The following FRS2 variants were observed in gnomAD, a reference collection of about 807,000 sequenced individuals.
FRS2 encodes the protein fibroblast growth factor receptor substrate 2.
In FRS2, 8 loss-of-function variants were observed where a neutral mutation model predicts 43.9. The ratio of observed to expected loss-of-function variants is 0.18; its 90% CI spans 0.11 to 0.33. The LOEUF (loss-of-function observed/expected upper bound fraction) is 0.33, where lower values mean the gene tolerates loss of function less well. Among genes scored for constraint, FRS2 ranks in the 10% least tolerant of loss-of-function variants. The pLI, the probability that FRS2 is intolerant of heterozygous loss-of-function variation, is 1.00. For missense variants in FRS2, 534 were observed against 627.6 expected, an observed-to-expected ratio of 0.85 and a Z score of 1.59; for synonymous variants, 219 against 220.3, an observed-to-expected ratio of 0.99 and a Z score of 0.05.
At chr12:69,555,367 A>G (rs989069449) in intron 3 of FRS2, among the ~76,000 whole-genome samples, 5 of 152,116 alleles carry the variant, frequency 3.3e-5, no homozygotes, top group African/African-American at 9.7e-5. Flanking sequence ...ACTTAATTTT[A>G]TATCATGAAC....
intron 3 of FRS2, among the ~76,000 whole-genome samples, chr12:69,560,799 A>G (rs538852717): frequency 1.3e-5 from 2 of 152,188 alleles, no homozygotes; most frequent in Non-Finnish European, 2.9e-5. Flanking sequence ...ATCATAGTCA[A>G]TGCAGTTATA....
chr12:69,525,154 A>G (rs1280815402), intron 1 of FRS2, among the ~76,000 whole-genome samples: 1 of 150,418 alleles, frequency 6.6e-6, no homozygotes, highest in African/African-American at 2.4e-5. Flanking sequence ...TTTTACCTTG[A>G]TGCTCTAAAT....
At chr12:69,523,089 C>T (rs765627026) in intron 1 of FRS2, among the ~76,000 whole-genome samples, 1 of 152,140 alleles carries the variant, frequency 6.6e-6, no homozygotes, top group East Asian at 1.9e-4. Flanking sequence ...AGATTTATAT[C>T]GGGTTCATTT....
intron 1 of FRS2, among the ~76,000 whole-genome samples, chr12:69,525,930 A>G (rs1247347916): frequency 1.3e-5 from 2 of 152,072 alleles, no homozygotes; most frequent in Admixed American, 6.6e-5. Flanking sequence ...ATCTTGACTC[A>G]CTGCAACTTC....
chr12:69,477,525 G>A (rs1008719288), intron 1 of FRS2, among the ~76,000 whole-genome samples: 3 of 150,896 alleles, frequency 2.0e-5, no homozygotes. Context: ...CTCGTGATCT[G>A]CCTGCCTCGG....
intron 3 of FRS2, among the ~76,000 whole-genome samples, chr12:69,538,954 A>G (rs1207476991): frequency 6.6e-6 from 1 of 152,146 alleles, no homozygotes; most frequent in Non-Finnish European, 1.5e-5. Context: ...AGATGCCATG[A>G]CACCCCGGTA....
intron 8 of FRS2, among the ~76,000 whole-genome samples, chr12:69,573,327 T>C (rs2135818645): frequency 6.6e-6 from 1 of 152,348 alleles, no homozygotes; most frequent in Admixed American, 6.5e-5. Context: ...AAAGTCGTTA[T>C]TTATTTCTGG....
intron 1 of FRS2, among the ~76,000 whole-genome samples, chr12:69,474,907 G>A (rs1377338388): frequency 3.9e-5 from 6 of 151,996 alleles, no homozygotes; most frequent in Non-Finnish European, 7.4e-5. Context: ...ATAGAAAATG[G>A]CATTTGATTA....
chr12:69,536,244 C>A (rs531654822), intron 3 of FRS2, among the ~76,000 whole-genome samples: 4 of 148,398 alleles, frequency 2.7e-5, no homozygotes, highest in African/African-American at 9.9e-5. Flanking sequence ...CGTGCCTCAA[C>A]CTTCTGAGTA....
intron 3 of FRS2, among the ~76,000 whole-genome samples, chr12:69,538,223 A>G (rs182356125): frequency 8.3e-4 from 83 of 100,100 alleles, no homozygotes; most frequent in African/African-American, 3.3e-3. Context: ...ATATATATAT[A>G]GCATTGCAGA....
intron 1 of FRS2, among the ~76,000 whole-genome samples, chr12:69,484,020 T>A (rs1359737824): frequency 6.6e-6 from 1 of 152,194 alleles, no homozygotes; most frequent in Non-Finnish European, 1.5e-5. Context: ...AAGAGTAAAA[T>A]TGATTATAAT....
intron 3 of FRS2, among the ~76,000 whole-genome samples, chr12:69,553,875 TA>T (rs1879120578): frequency 6.6e-6 from 1 of 152,226 alleles, no homozygotes; most frequent in South Asian, 2.1e-4. Flanking sequence ...CTGCATTATT[TA>T]TGTTTGAAGT....
chr12:69,572,515 A>C (rs528974583), intron 8 of FRS2, among the ~76,000 whole-genome samples: 55 of 152,368 alleles, frequency 3.6e-4, no homozygotes, highest in African/African-American at 1.2e-3. Context: ...GAAGAGGTAC[A>C]TCTATAGATT....
chr12:69,518,336 T>C (rs1875267981), intron 1 of FRS2, among the ~76,000 whole-genome samples: 1 of 152,152 alleles, frequency 6.6e-6, no homozygotes, highest in African/African-American at 2.4e-5. Flanking sequence ...TCCTGAAAAA[T>C]ATTTAGAGCC....
At chr12:69,493,059 CAG>C (rs917191680) in intron 1 of FRS2, among the ~76,000 whole-genome samples, 9 of 152,150 alleles carry the variant, frequency 5.9e-5, no homozygotes, top group Non-Finnish European at 1.0e-4. Context: ...CCAAGCAAAA[CAG>C]AGAGACTATT....
chr12:69,571,487 G>T, intron 7 of FRS2, 53 bp downstream of exon 7: 1 of 1,356,660 alleles, frequency 7.4e-7, no homozygotes. Context: ...TTAGTTGTAA[G>T]CTATAGATTG....
At chr12:69,498,023 T>G (rs1873069336) in intron 1 of FRS2, among the ~76,000 whole-genome samples, 1 of 152,168 alleles carries the variant, frequency 6.6e-6, no homozygotes. Context: ...TTCAGATTTT[T>G]TTTTTATGTG....
chr12:69,567,541 A>G (rs1880403175), intron 4 of FRS2, among the ~76,000 whole-genome samples: 1 of 152,232 alleles, frequency 6.6e-6, no homozygotes, highest in South Asian at 2.1e-4. Context: ...GAGAAAAGAC[A>G]GATAAACAGA....
At chr12:69,555,332 A>G (rs527998551) in intron 3 of FRS2, among the ~76,000 whole-genome samples, 186 of 152,330 alleles carry the variant, frequency 1.2e-3, no homozygotes, top group Admixed American at 0.012. Flanking sequence ...GGCATGAGCC[A>G]CTGTGCCCAG....
Sources: allele counts gnomAD v4.1 joint callset (sites outside exome capture counted in the v4.1 genomes callset), GRCh38; gene constraint gnomAD v4.1.1; transcripts MANE v1.5; gene names NCBI Gene and HGNC (gene_info 2026-07-23, HGNC 2026-07-21).